SMIM22: variants seen among roughly 807,000 people sequenced by gnomAD.
SMIM22 encodes the protein cancer associated small integral membrane open reading frame 1.
SMIM22 carries 16 observed loss-of-function variants against 8.4 expected under a neutral mutation model. The observed-to-expected ratio is 1.90, with a 90% CI of 1.29 to 2.89. The LOEUF is 2.89. SMIM22 is among the 30% of genes most tolerant of loss of function. The pLI is 0.00. For synonymous variants in SMIM22, 67 were observed against 47.6 expected, an observed-to-expected ratio of 1.41 and a Z score of -1.68; for missense variants, 159 against 107.5, an observed-to-expected ratio of 1.48 and a Z score of -2.12.
Position 4,796,227 on chromosome 16 carries a change from C to A in SMIM22, c.263C>A (p.Pro88His). The A allele has an allele frequency of 6.5e-7, 1 of 1,535,816 alleles. No homozygotes were observed. Among genetic ancestry groups the A allele is most frequent in the South Asian group, 1.2e-5 (1 of 84,048 alleles). Reference sequence around the variant, plus strand: ...GGAGTGGATAACTTGGCCCTGGAACCCTGACCCTGTGTCTCCTGCCCGGTG... The same window carrying A: ...GGAGTGGATAACTTGGCCCTGGAACACTGACCCTGTGTCTCCTGCCCGGTG... Reference protein sequence around the residue: ...PKGVDNLALEP With the variant: ...PKGVDNLALEH The change falls in exon 4 of 4, where the codon CCC (proline) becomes CAC (histidine). Residue 88 changes from proline (P) to histidine (H), a missense_variant. Physicochemically the swap from Pro to His is moderately conservative, Grantham distance 77 (BLOSUM62 -2). Coordinates refer to ENST00000586005, the MANE Select transcript of SMIM22 (RefSeq NM_001253794.2).
At chr16:4,795,323 G>A (rs749239519), upstream of SMIM22, 48 of 194,640 alleles carry the variant, frequency 2.5e-4, no homozygotes, top group Admixed American at 7.7e-4. Context: ...TGGGCTGGGC[G>A]GCCTCTGCTG....
intron 1 of SMIM22, 82 bp from the exon 2 acceptor site, chr16:4,795,633 G>C (rs2082625531): frequency 1.4e-6 from 2 of 1,467,702 alleles, no homozygotes; most frequent in African/African-American, 1.4e-5. Context: ...AGCGGGCAGT[G>C]GCTGGGCTGT....
upstream of SMIM22, among the ~76,000 whole-genome samples, chr16:4,793,977 C>G (rs1012889941): frequency 2.0e-5 from 3 of 152,098 alleles, no homozygotes; most frequent in African/African-American, 7.2e-5. Context: ...GCTCTGTCAC[C>G]CAGGCGGGTG....
At chr16:4,795,513 GAGA>G (rs2082621948) in intron 1 of SMIM22, 64 bp downstream of exon 1, 5 of 623,518 alleles carry the variant, frequency 8.0e-6, no homozygotes, top group African/African-American at 1.9e-5. Context: ...AGTGGCTGGG[GAGA>G]AGGTTGTCAG....
chr16:4,789,696 T>C (rs2082520731), intron 2 of SMIM22, among the ~76,000 whole-genome samples: 1 of 152,088 alleles, frequency 6.6e-6, no homozygotes, highest in African/African-American at 2.4e-5. Context: ...TGGGTTCTAG[T>C]GATCCTCTCA....
Position 4,796,260 on chromosome 16 carries a change from C to CA in SMIM22, c.*32dup. The CA allele has an allele frequency of 6.5e-7, 1 of 1,534,770 alleles. No homozygotes were observed. The highest frequency in any genetic ancestry group is 8.7e-7 in the Non-Finnish European group (1 of 1,146,290). On this transcript the variant is annotated 3_prime_UTR_variant, in exon 4 of 4. Coordinates refer to ENST00000586005, the MANE Select transcript of SMIM22 (RefSeq NM_001253794.2). The stretch of plus-strand genomic sequence containing the variant: ...TGTGTCTCCTGCCCGGTGGCAGTAA[C>CA]AAAGCCTTCTGTCTGCCCAGAGCCT...
chr16:4,790,880 A>G (rs1214763301), upstream of SMIM22, among the ~76,000 whole-genome samples: 1 of 152,208 alleles, frequency 6.6e-6, no homozygotes. Context: ...GGCAGGGACG[A>G]TGGGGCACAG....
upstream of SMIM22, among the ~76,000 whole-genome samples, chr16:4,792,761 C>A (rs2082571545): frequency 6.8e-6 from 1 of 147,264 alleles, no homozygotes; most frequent in Admixed American, 6.9e-5. Context: ...GACATCGTGC[C>A]ATTGCACTCC....
chr16:4,796,228 C>T lies in SMIM22; in HGVS notation c.264C>T (p.Pro88=), dbSNP rs1206336787. 1 of 1,535,756 alleles carries T rather than the reference C, an allele frequency of 6.5e-7. No homozygotes were observed. The highest frequency in any genetic ancestry group is 1.4e-5 in the African/African-American group (1 of 73,040). ...PKGVDNLALE[P] ...GAGTGGATAACTTGGCCCTGGAACC[C>T]TGACCCTGTGTCTCCTGCCCGGTGG... The change falls in exon 4 of 4, where the codon CCC becomes CCT. Residue 88 remains proline, a synonymous_variant. Transcript: ENST00000586005.
chr16:4,794,368 A>C (rs1223297162), upstream of SMIM22, among the ~76,000 whole-genome samples: 1 of 151,680 alleles, frequency 6.6e-6, no homozygotes, highest in Non-Finnish European at 1.5e-5. Context: ...CGGCCTCCCA[A>C]AGTGCTGGGA....
At chr16:4,791,545 G>A (rs769113743), upstream of SMIM22, among the ~76,000 whole-genome samples, 34 of 152,198 alleles carry the variant, frequency 2.2e-4, no homozygotes, top group African/African-American at 6.5e-4. Flanking sequence ...CTCAGGGAAC[G>A]TTACTCAAGC....
At chr16:4,792,181 T>C (rs2082560646), upstream of SMIM22, among the ~76,000 whole-genome samples, 1 of 151,878 alleles carries the variant, frequency 6.6e-6, no homozygotes. Flanking sequence ...GGGGCCACAG[T>C]TGTTCCCCTG....
chr16:4,795,725 G>A lies in SMIM22; in HGVS notation c.-10G>A, dbSNP rs1284489974. 12 of 1,535,284 alleles carry A rather than the reference G, an allele frequency of 7.8e-6. No individual in the cohort carries two copies. The highest frequency in any genetic ancestry group is 1.0e-5 in the Non-Finnish European group (12 of 1,146,694). On this transcript the variant is annotated 5_prime_UTR_variant, in exon 2 of 4. Transcript: ENST00000586005. The stretch of plus-strand genomic sequence containing the variant: ...GGGGGACCGGGGCAGGTGGCACGGT[G>A]CACGCCAAGATGGCTGTGTCCACAG...
chr16:4,792,586 G>C (rs2082568954), upstream of SMIM22, among the ~76,000 whole-genome samples: 1 of 151,154 alleles, frequency 6.6e-6, no homozygotes, highest in African/African-American at 2.4e-5. Context: ...CGGATTGCTA[G>C]AGCTCAGGAG....
chr16:4,791,018 T>C (rs1305772054), upstream of SMIM22, among the ~76,000 whole-genome samples: 1 of 152,186 alleles, frequency 6.6e-6, no homozygotes, highest in Non-Finnish European at 1.5e-5. Context: ...GATGAACAAA[T>C]GGCTCTGGTG....
chr16:4,790,398 C>G (rs1244184141), upstream of SMIM22, among the ~76,000 whole-genome samples: 2 of 152,182 alleles, frequency 1.3e-5, no homozygotes, highest in Non-Finnish European at 2.9e-5. Flanking sequence ...TCCTGAGCCC[C>G]AGGCCGACTT....
chr16:4,792,626 A>AC (rs2082569371), upstream of SMIM22, among the ~76,000 whole-genome samples: 1 of 148,886 alleles, frequency 6.7e-6, no homozygotes, highest in Admixed American at 6.7e-5. Flanking sequence ...ACATGGTGAA[A>AC]CCCCGTCTCT....
upstream of SMIM22, among the ~76,000 whole-genome samples, chr16:4,794,268 C>T (rs1418585454): frequency 3.3e-5 from 5 of 150,930 alleles, no homozygotes; most frequent in Middle Eastern, 3.2e-3. Context: ...CCACCATGGC[C>T]GGCTAATTTT....
chr16:4,796,140 C>G lies in SMIM22; in HGVS notation c.226-50C>G, dbSNP rs571941017. 4.6e-6 allele frequency: 7 copies of G among 1,535,948 alleles called. No individual in the cohort carries two copies. In the African/African-American group the frequency reaches 6.8e-5, roughly 15 times the overall value. On this transcript the variant is annotated intron_variant, in intron 3 of 3. Transcript: ENST00000586005. ...AGTGGCGGGAAGGGTGCTCATCCCC[C>G]TAGGGAACAACGAGCGAACCTGCTT...
Sources: gnomAD v4.1 joint callset for allele counts (sites outside exome capture counted in the v4.1 genomes callset) on GRCh38, gnomAD v4.1.1 for gene constraint, MANE v1.5 for transcripts, NCBI Gene and HGNC (gene_info 2026-07-23, HGNC 2026-07-21) for gene names.